Variants in CDIN1 observed in about 807,000 individuals in gnomAD.
CDIN1 encodes CDAN1-interacting nuclease 1.
Under a neutral mutation model 45.3 loss-of-function variants are expected in CDIN1, and 33 were observed. That is an observed-to-expected ratio of 0.73 (90% CI 0.55 to 0.97). The LOEUF (loss-of-function observed/expected upper bound fraction) is 0.97. Among genes scored for constraint, CDIN1 ranks in the 50% least tolerant of loss-of-function variants. CDIN1 has a pLI of 0.00. For missense variants in CDIN1, 303 were observed against 339.4 expected (o/e 0.89, Z 0.84); for synonymous variants, 118 against 124.4 (o/e 0.95, Z 0.34).
intron 1 of CDIN1, among the ~76,000 whole-genome samples, chr15:36,589,904 G>A (rs1341385022): frequency 1.3e-5 from 2 of 152,188 alleles, no homozygotes; most frequent in East Asian, 1.9e-4. Context: ...TGTGACCCAC[G>A]TATGAAAGAT....
At chr15:36,784,436 C>T (rs1279593040) in intron 10 of CDIN1, among the ~76,000 whole-genome samples, 1 of 152,198 alleles carries the variant, frequency 6.6e-6, no homozygotes, top group Admixed American at 6.5e-5. Context: ...AAGGACTACA[C>T]ATGTAACTCC....
chr15:36,630,443 T>A (rs2039631473), intron 1 of CDIN1, among the ~76,000 whole-genome samples: 1 of 152,154 alleles, frequency 6.6e-6, no homozygotes, highest in African/African-American at 2.4e-5. Flanking sequence ...TACCAATCAG[T>A]TTACAGACGG....
At chr15:36,617,358 T>C (rs889592745) in intron 1 of CDIN1, 5 of 1,560,688 alleles carry the variant, frequency 3.2e-6, no homozygotes, top group Admixed American at 1.7e-5. Flanking sequence ...AATCAACTGA[T>C]GGGATGATTT....
chr15:36,766,400 C>G (rs1232448560), intron 10 of CDIN1, among the ~76,000 whole-genome samples: 2 of 152,158 alleles, frequency 1.3e-5, no homozygotes, highest in African/African-American at 4.8e-5. Context: ...ATCCTGATTT[C>G]AGTTCTTTTG....
At chr15:36,597,726 T>A (rs1472982223) in intron 1 of CDIN1, among the ~76,000 whole-genome samples, 3 of 152,234 alleles carry the variant, frequency 2.0e-5, no homozygotes, top group Non-Finnish European at 4.4e-5. Context: ...CTCTGCTGCC[T>A]GACTTGCAAT....
chr15:36,728,372 CATTT>C (rs1297707143), intron 10 of CDIN1, among the ~76,000 whole-genome samples: 2 of 152,040 alleles, frequency 1.3e-5, no homozygotes, highest in African/African-American at 4.8e-5. Flanking sequence ...GAAGAGCAGA[CATTT>C]GTTTGTGGGT....
chr15:36,678,304 T>C lies in CDIN1; in HGVS notation c.347-13381T>C, dbSNP rs575107657. ...ATTGTTCAGGAAAGACACTGGCAGG[T>C]CAACCCCTGTGGAGATGTAGCTTGG... On this transcript the variant is annotated intron_variant, in intron 5 of 10. Transcript: ENST00000566621. 2.0e-5 allele frequency among the ~76,000 whole-genome samples: 3 copies of C among 152,316 alleles called. No homozygotes were observed. In the East Asian group the frequency reaches 5.8e-4, roughly 29 times the overall value.
chr15:36,654,866 A>T (rs533741923), intron 4 of CDIN1, among the ~76,000 whole-genome samples: 7 of 152,212 alleles, frequency 4.6e-5, no homozygotes, highest in Non-Finnish European at 1.0e-4. Flanking sequence ...TAATTCCTAA[A>T]CTTTAAAATA....
chr15:36,777,938 A>T (rs2054261117), intron 10 of CDIN1, among the ~76,000 whole-genome samples: 1 of 152,200 alleles, frequency 6.6e-6, no homozygotes, highest in Non-Finnish European at 1.5e-5. Flanking sequence ...CAATTGGAAG[A>T]TATATCTGAT....
chr15:36,645,423 A>G (rs1199459403), intron 3 of CDIN1, 136 bp downstream of exon 3: 2 of 788,548 alleles, frequency 2.5e-6, no homozygotes, highest in African/African-American at 1.8e-5. Context: ...CAAAACTTTT[A>G]GTATGTTTTT....
At chr15:36,770,300 G>A (rs1173717834) in intron 10 of CDIN1, among the ~76,000 whole-genome samples, 2 of 151,590 alleles carry the variant, frequency 1.3e-5, no homozygotes, top group Non-Finnish European at 2.9e-5. Flanking sequence ...AGCGAAAGAG[G>A]GAGGGAGGGA....
chr15:36,794,215 C>T (rs984429067), intron 10 of CDIN1, among the ~76,000 whole-genome samples: 3 of 151,948 alleles, frequency 2.0e-5, no homozygotes, highest in East Asian at 1.9e-4. Flanking sequence ...CCCGCCACCA[C>T]GCCTGGCTAA....
chr15:36,693,116 C>T (rs1299193489), intron 7 of CDIN1, among the ~76,000 whole-genome samples: 2 of 152,124 alleles, frequency 1.3e-5, no homozygotes, highest in African/African-American at 4.8e-5. Flanking sequence ...CTAGTCAAAT[C>T]GTGTACATGT....
At position 36,809,817 on chromosome 15, in the gene CDIN1, T is replaced by C. The variant is rs950037888; in HGVS notation, c.*1364T>C. On this transcript the variant is annotated 3_prime_UTR_variant, in exon 11 of 11. Transcript: ENST00000566621. ...TTGTTTATTTTCTACCAAAGAAGGT[T>C]TGTAAAAATATGCCTGCTGCTTTTC... 2 of 152,216 alleles carry C rather than the reference T, an allele frequency of 1.3e-5. No individual in the cohort carries two copies. The highest frequency in any genetic ancestry group is 2.9e-5 in the Non-Finnish European group (2 of 68,038). 9.4% of individuals were successfully genotyped at this position (152,216 alleles called of 1,614,324 possible).
chr15:36,726,969 T>A (rs1236256930), intron 10 of CDIN1, among the ~76,000 whole-genome samples: 1 of 152,214 alleles, frequency 6.6e-6, no homozygotes, highest in Non-Finnish European at 1.5e-5. Flanking sequence ...TCTATATATA[T>A]CTTTCCCTCT....
intron 5 of CDIN1, among the ~76,000 whole-genome samples, chr15:36,670,442 C>G (rs1040922007): frequency 6.6e-6 from 1 of 152,056 alleles, no homozygotes; most frequent in Non-Finnish European, 1.5e-5. Flanking sequence ...TTTGACAAAT[C>G]TATTATATTT....
At chr15:36,711,088 GT>G (rs1403043050) in intron 10 of CDIN1, among the ~76,000 whole-genome samples, 1 of 152,152 alleles carries the variant, frequency 6.6e-6, no homozygotes, top group African/African-American at 2.4e-5. Flanking sequence ...AGCGTTTCCT[GT>G]GTTTTATTCA....
chr15:36,641,661 G>A (rs1340564366), intron 1 of CDIN1, among the ~76,000 whole-genome samples: 4 of 152,174 alleles, frequency 2.6e-5, no homozygotes, highest in African/African-American at 7.2e-5. Flanking sequence ...AAGATTCAGG[G>A]TATGATTTAC....
chr15:36,692,564 A>C (rs898062169), intron 7 of CDIN1, among the ~76,000 whole-genome samples: 1 of 152,224 alleles, frequency 6.6e-6, no homozygotes, highest in Non-Finnish European at 1.5e-5. Context: ...ATTTACGAGA[A>C]TAAATTTAGA....
Sources: gnomAD v4.1 joint callset for allele counts (sites outside exome capture counted in the v4.1 genomes callset) on GRCh38, gnomAD v4.1.1 for gene constraint, MANE v1.5 for transcripts, NCBI Gene and HGNC (gene_info 2026-07-23, HGNC 2026-07-21) for gene names.